Variants in DNAH8 observed in about 807,000 individuals in gnomAD.
The protein encoded by DNAH8 is dynein axonemal heavy chain 8, also known as axonemal beta dynein heavy chain 8.
In DNAH8, 382 loss-of-function variants were observed where a neutral mutation model predicts 562.1. That is an observed-to-expected ratio of 0.68 (90% confidence interval 0.63 to 0.74). The LOEUF (loss-of-function observed/expected upper bound fraction) is 0.74. Among genes scored for constraint, DNAH8 ranks in the 30% least tolerant of loss-of-function variants. The pLI is 0.00. For synonymous variants in DNAH8, 1,881 were observed against 1,919.4 expected (o/e 0.98, Z 0.52); for missense variants, 5,203 against 5,620.4 (o/e 0.93, Z 2.37).
Position 38,894,660 on chromosome 6 carries a change from TC to T in DNAH8, c.8584-40del, listed in dbSNP as rs750594088. On this transcript the variant is annotated intron_variant, in intron 58 of 92. Transcript: ENST00000327475. ...AAAAGTAATTCTACTTTTAGTTGTA[TC>T]TGAAAACTAACTGAGAGTATTACAT... is the stretch of plus-strand genomic sequence containing the variant. 3 of 1,512,200 alleles carry T rather than the reference TC, an allele frequency of 2.0e-6. No individual in the cohort carries two copies. The African/African-American group carries it at 4.1e-5, about 21-fold the overall frequency. The allele number at this position is 1,512,200 out of a possible 1,614,324, so 93.7% of individuals were successfully genotyped here.
chr6:38,795,474 G>A (rs1770150761), intron 21 of DNAH8, among the ~76,000 whole-genome samples: 1 of 151,848 alleles, frequency 6.6e-6, no homozygotes, highest in Non-Finnish European at 1.5e-5. Flanking sequence ...CAGCTACTTG[G>A]GAGGCTGAGG....
chr6:38,871,329 C>T (rs1237494331), intron 49 of DNAH8, among the ~76,000 whole-genome samples: 6 of 152,256 alleles, frequency 3.9e-5, no homozygotes, highest in Admixed American at 3.9e-4. Context: ...GGGGAAAAGT[C>T]TTTTTCATCA....
At chr6:38,727,142 G>T (rs1010664115) in intron 3 of DNAH8, among the ~76,000 whole-genome samples, 1 of 152,146 alleles carries the variant, frequency 6.6e-6, no homozygotes, top group South Asian at 2.1e-4. Context: ...ACAGGTGTGG[G>T]CCACCGTGCT....
chr6:39,009,536 T>G (rs1766043812), intron 89 of DNAH8, among the ~76,000 whole-genome samples: 2 of 152,150 alleles, frequency 1.3e-5, no homozygotes, highest in Admixed American at 1.3e-4. Context: ...CACTTATTCA[T>G]TGATTAGAAT....
At position 38,754,193 on chromosome 6, in the gene DNAH8, T is replaced by C. The variant is rs116032205; in HGVS notation, c.1408-1779T>C. Among the ~76,000 whole-genome samples the C allele has an allele frequency of 3.6e-3, 548 of 152,268 alleles. 2 individuals are homozygous for C. Among genetic ancestry groups the C allele is most frequent in the African/African-American group, 0.012 (507 of 41,556 alleles). The stretch of plus-strand genomic sequence containing the variant: ...ACTGTATATAGATGGACAAGAACAG[T>C]GCACTCAAGGAGCTACTATTGTAAA... On this transcript the variant is annotated intron_variant, in intron 9 of 92. Coordinates refer to ENST00000327475, the MANE Select transcript of DNAH8 (RefSeq NM_001206927.2).
chr6:38,882,879 C>A (rs1485263739), intron 53 of DNAH8, 31 bp from the exon 54 acceptor site: 1 of 1,458,520 alleles, frequency 6.9e-7, no homozygotes, highest in Non-Finnish European at 9.1e-7. Context: ...GAATATGGTT[C>A]TATTAAGATG....
In DNAH8 at chr6:38,823,457, C is replaced by T. The variant is rs896634381; in HGVS notation, c.3721-105C>T. On this transcript the variant is annotated intron_variant, in intron 27 of 92. Coordinates refer to ENST00000327475, the MANE Select transcript of DNAH8 (RefSeq NM_001206927.2). ...TCTTACCCAGCCACTGGCCCCATTG[C>T]ACACACAAGTGTAAATGTGTATGAG... 9.4e-6 allele frequency: 8 copies of T among 848,826 alleles called. No individual in the cohort carries two copies. The African/African-American group carries it at 1.2e-4, about 13-fold the overall frequency. The allele number at this position is 848,826 out of a possible 1,614,324, so 52.6% of individuals were successfully genotyped here.
At chr6:38,990,762 G>C (rs1764729011) in intron 88 of DNAH8, among the ~76,000 whole-genome samples, 1 of 152,116 alleles carries the variant, frequency 6.6e-6, no homozygotes, top group Non-Finnish European at 1.5e-5. Context: ...TGAGGTCCCT[G>C]CTCCACTCAT....
At position 38,807,176 on chromosome 6, in the gene DNAH8, T is replaced by C. The variant is rs554779457; in HGVS notation, c.3151-434T>C. ...AATTTTCATCTCATATATTTGAGTA[T>C]TGCACATTTTAAAATACATTTATCC... On this transcript the variant is annotated intron_variant, in intron 23 of 92. Coordinates refer to ENST00000327475, the MANE Select transcript of DNAH8 (RefSeq NM_001206927.2). Among the ~76,000 whole-genome samples the C allele has an allele frequency of 3.3e-5, 5 of 152,348 alleles. No individual in the cohort carries two copies. The East Asian group carries it at 9.6e-4, about 29-fold the overall frequency.
intron 79 of DNAH8, among the ~76,000 whole-genome samples, chr6:38,942,231 TGGA>T (rs1783523570): frequency 1.3e-5 from 2 of 151,856 alleles, no homozygotes; most frequent in Non-Finnish European, 1.5e-5. Context: ...GCAATACGAG[TGGA>T]GGAGAAGTAT....
intron 17 of DNAH8, among the ~76,000 whole-genome samples, chr6:38,784,922 T>A (rs915204675): frequency 6.6e-5 from 10 of 152,190 alleles, no homozygotes; most frequent in South Asian, 2.1e-4. Context: ...TAAAATATTT[T>A]AAAAATGTCC....
chr6:38,727,347 G>A (rs1763308239), intron 3 of DNAH8, among the ~76,000 whole-genome samples: 1 of 152,158 alleles, frequency 6.6e-6, no homozygotes, highest in South Asian at 2.1e-4. Flanking sequence ...CTATCACCTG[G>A]GCTCCCTTGT....
chr6:38,915,135 A>C (rs939677376), intron 67 of DNAH8, 66 bp from the exon 68 acceptor site: 2 of 1,347,136 alleles, frequency 1.5e-6, no homozygotes, highest in South Asian at 1.4e-5. Flanking sequence ...TTTGCTCACT[A>C]TTCAGATCTA....
chr6:38,823,121 C>T, intron 27 of DNAH8, 87 bp downstream of exon 27: 3 of 1,238,952 alleles, frequency 2.4e-6, no homozygotes, highest in Non-Finnish European at 3.3e-6. Flanking sequence ...GGGATAATGA[C>T]AGGAACCCAT....
rs773854540 is a variant in DNAH8, at chr6:38,722,881, C to T, written c.72C>T (p.Ala24=). The change falls in exon 2 of 93, where the codon GCC becomes GCT. Residue 24 remains alanine, a synonymous_variant. Coordinates refer to ENST00000327475, the MANE Select transcript of DNAH8 (RefSeq NM_001206927.2). ...AEAPPSTEEA[A]PPRSEEEEAP... ...CTCCTCCCTCTACGGAAGAGGCTGC[C>T]CCTCCCCGTTCAGAAGAGGAAGAGG... is the stretch of plus-strand genomic sequence containing the variant. The T allele has an allele frequency of 6.8e-6, 11 of 1,611,724 alleles. No homozygotes were observed. Among genetic ancestry groups the T allele is most frequent in the Admixed American group, 1.7e-5 (1 of 59,888 alleles).
At chr6:38,913,076 G>T (rs753077424) in intron 66 of DNAH8, among the ~76,000 whole-genome samples, 4 of 152,220 alleles carry the variant, frequency 2.6e-5, no homozygotes, top group Non-Finnish European at 5.9e-5. Context: ...AAAGTTCTGG[G>T]ATTACAGGGG....
intron 8 of DNAH8, among the ~76,000 whole-genome samples, chr6:38,745,204 G>T (rs1163025141): frequency 1.3e-5 from 2 of 152,176 alleles, no homozygotes; most frequent in Non-Finnish European, 2.9e-5. Context: ...AAGCATCAGT[G>T]TGTGGATATT....
intron 44 of DNAH8, among the ~76,000 whole-genome samples, chr6:38,862,941 G>A (rs1583211349): frequency 6.6e-6 from 1 of 152,178 alleles, no homozygotes; most frequent in African/African-American, 2.4e-5. Context: ...TCAGAGCTCA[G>A]TACTTGGCGA....
chr6:38,735,786 C>A (rs1312220638), intron 5 of DNAH8, among the ~76,000 whole-genome samples: 2 of 152,178 alleles, frequency 1.3e-5, no homozygotes, highest in Non-Finnish European at 2.9e-5. Context: ...TTAATGGATT[C>A]TTTTATTTAC....
Sources: gnomAD v4.1 joint callset for allele counts (sites outside exome capture counted in the v4.1 genomes callset) on GRCh38, gnomAD v4.1.1 for gene constraint, MANE v1.5 for transcripts, NCBI Gene and HGNC (gene_info 2026-07-23, HGNC 2026-07-21) for gene names.